MAN2A1: variants seen among roughly 807,000 people sequenced by gnomAD.
MAN2A1 encodes mannosidase alpha class 2A member 1.
A neutral mutation model predicts 142.6 loss-of-function variants in MAN2A1; 76 were observed. The ratio of observed to expected loss-of-function variants is 0.53; its 90% CI spans 0.44 to 0.65. The LOEUF is 0.65. Ranked by LOEUF, MAN2A1 falls within the 30% of genes least tolerant of loss-of-function variation. MAN2A1 has a pLI of 0.00. For synonymous variants in MAN2A1, 559 were observed against 473.2 expected, an observed-to-expected ratio of 1.18 and a Z score of -2.35; for missense variants, 1,311 against 1,365.1, an observed-to-expected ratio of 0.96 and a Z score of 0.62.
intron 3 of MAN2A1, among the ~76,000 whole-genome samples, chr5:109,720,784 T>A (rs1242846485): frequency 6.6e-6 from 1 of 152,194 alleles, no homozygotes; most frequent in African/African-American, 2.4e-5. Flanking sequence ...GGGCTGCAGG[T>A]TGGACAAACT....
At chr5:109,703,265 G>C (rs947108392) in intron 1 of MAN2A1, among the ~76,000 whole-genome samples, 1 of 152,208 alleles carries the variant, frequency 6.6e-6, no homozygotes, top group Admixed American at 6.5e-5. Flanking sequence ...CAGAACTTTT[G>C]TTAGCATATC....
At chr5:109,817,869 AAC>A (rs1754511437) in intron 13 of MAN2A1, among the ~76,000 whole-genome samples, 1 of 152,156 alleles carries the variant, frequency 6.6e-6, no homozygotes, top group African/African-American at 2.4e-5. Flanking sequence ...AAGGTGACAT[AAC>A]ACACCATGGA....
chr5:109,735,650 G>T (rs1752069877), intron 4 of MAN2A1, among the ~76,000 whole-genome samples: 1 of 152,042 alleles, frequency 6.6e-6, no homozygotes, highest in Admixed American at 6.6e-5. Flanking sequence ...CTGTAGACCG[G>T]AGCTGTTCCT....
chr5:109,837,462 C>T (rs1382310633), intron 16 of MAN2A1, among the ~76,000 whole-genome samples: 5 of 152,136 alleles, frequency 3.3e-5, no homozygotes, highest in Non-Finnish European at 7.3e-5. Flanking sequence ...CCCAGAGTAA[C>T]TTGAGCCTTC....
At chr5:109,831,804 CATGTGTGTGT>C (rs1754913887) in intron 16 of MAN2A1, among the ~76,000 whole-genome samples, 2 of 148,400 alleles carry the variant, frequency 1.3e-5, no homozygotes, top group African/African-American at 5.1e-5. Flanking sequence ...AAACAAAAAT[CATGTGTGTGT>C]GTGTGTGTGT....
At chr5:109,771,851 C>A (rs941116868) in intron 7 of MAN2A1, among the ~76,000 whole-genome samples, 2 of 152,106 alleles carry the variant, frequency 1.3e-5, no homozygotes, top group Non-Finnish European at 2.9e-5. Context: ...CTGGGGAGTC[C>A]CAGTGCATTC....
intron 3 of MAN2A1, among the ~76,000 whole-genome samples, chr5:109,728,075 C>T (rs1751795593): frequency 6.6e-6 from 1 of 152,054 alleles, no homozygotes. Context: ...TTCTATTTGG[C>T]CTATAGCTTC....
At position 109,782,458 on chromosome 5, in the gene MAN2A1, G is replaced by A. The variant is rs533327846; in HGVS notation, c.1577+860G>A. On this transcript the variant is annotated intron_variant, in intron 9 of 21. Transcript: ENST00000261483. Reference sequence around the variant, plus strand: ...GAGAGCATGGTCCTAAGTAACTAACGGAGGCTGGTTGTTGATAAAGTTAAA... The same window carrying A: ...GAGAGCATGGTCCTAAGTAACTAACAGAGGCTGGTTGTTGATAAAGTTAAA... Among the ~76,000 whole-genome samples the A allele has an allele frequency of 2.1e-3, 315 of 152,220 alleles. 1 individual carries two copies. The highest frequency in any genetic ancestry group is 7.2e-3 in the African/African-American group (299 of 41,536).
At chr5:109,755,094 T>C (rs1487450648) in intron 4 of MAN2A1, among the ~76,000 whole-genome samples, 1 of 152,174 alleles carries the variant, frequency 6.6e-6, no homozygotes, top group Non-Finnish European at 1.5e-5. Context: ...GGAAGGAACC[T>C]CCAGAATGAC....
At chr5:109,845,092 A>C (rs1056268667) in intron 17 of MAN2A1, among the ~76,000 whole-genome samples, 1 of 152,154 alleles carries the variant, frequency 6.6e-6, no homozygotes, top group African/African-American at 2.4e-5. Context: ...GTAACTTTGT[A>C]CCTCTTCTTT....
chr5:109,703,079 A>G (rs1255108388), intron 1 of MAN2A1, among the ~76,000 whole-genome samples: 1 of 152,248 alleles, frequency 6.6e-6, no homozygotes, highest in Non-Finnish European at 1.5e-5. Flanking sequence ...TCTACTTAAT[A>G]CAACCCTGCC....
intron 17 of MAN2A1, among the ~76,000 whole-genome samples, chr5:109,845,513 T>A (rs959285780): frequency 6.6e-6 from 1 of 152,134 alleles, no homozygotes; most frequent in Non-Finnish European, 1.5e-5. Flanking sequence ...ACAAAAGCAG[T>A]TTGTTAGATT....
chr5:109,785,018 C>A, intron 10 of MAN2A1, 92 bp downstream of exon 10: 1 of 846,358 alleles, frequency 1.2e-6, no homozygotes, highest in Non-Finnish European at 1.8e-6. Context: ...TAGTGTATAT[C>A]AAACCACATT....
intron 8 of MAN2A1, among the ~76,000 whole-genome samples, chr5:109,775,170 T>C (rs1753250176): frequency 6.6e-6 from 1 of 152,172 alleles, no homozygotes; most frequent in African/African-American, 2.4e-5. Flanking sequence ...CTAACACTCC[T>C]TGAGGATTAA....
intron 12 of MAN2A1, chr5:109,804,364 T>C (rs1314923023): frequency 1.3e-6 from 1 of 783,408 alleles, no homozygotes; most frequent in African/African-American, 1.9e-5. Context: ...ATTTTTATTT[T>C]TTTTAGGCAA....
At chr5:109,826,944 AC>A (rs1227541098) in intron 16 of MAN2A1, among the ~76,000 whole-genome samples, 15 of 152,244 alleles carry the variant, frequency 9.9e-5, no homozygotes, top group Non-Finnish European at 1.5e-4. Context: ...ACGTCAGCCA[AC>A]TTCCATGCTG....
intron 1 of MAN2A1, among the ~76,000 whole-genome samples, chr5:109,694,074 T>C (rs917526953): frequency 1.1e-4 from 16 of 152,216 alleles, no homozygotes; most frequent in African/African-American, 3.9e-4. Context: ...GTCTTATTAA[T>C]TAGTCTGATG....
chr5:109,805,064 T>A (rs1225804858), intron 12 of MAN2A1, among the ~76,000 whole-genome samples: 1 of 152,136 alleles, frequency 6.6e-6, no homozygotes, highest in Non-Finnish European at 1.5e-5. Flanking sequence ...TTTCAGAAAA[T>A]GGCTACAGAT....
intron 12 of MAN2A1, among the ~76,000 whole-genome samples, chr5:109,801,931 A>G (rs1418637334): frequency 6.6e-6 from 1 of 152,076 alleles, no homozygotes; most frequent in East Asian, 1.9e-4. Flanking sequence ...TATTAAGAAA[A>G]TAGAATATTT....
Sources: allele counts gnomAD v4.1 joint callset (sites outside exome capture counted in the v4.1 genomes callset), GRCh38; gene constraint gnomAD v4.1.1; transcripts MANE v1.5; gene names NCBI Gene and HGNC (gene_info 2026-07-23, HGNC 2026-07-21).